Variants in PAK1 observed in about 807,000 individuals in gnomAD.
PAK1 encodes p21 (RAC1) activated kinase 1, also known as serine/threonine-protein kinase PAK 1.
In PAK1, 29 loss-of-function variants were observed where a neutral mutation model predicts 67.4. The ratio of observed to expected loss-of-function variants is 0.43; its 90% CI spans 0.32 to 0.59. The LOEUF (loss-of-function observed/expected upper bound fraction) is 0.59, where lower values mean the gene tolerates loss of function less well. Among genes scored for constraint, PAK1 ranks in the 20% least tolerant of loss-of-function variants. The probability of loss-of-function intolerance (pLI) is 0.07; values close to 1 mark genes in which losing one functional copy is unlikely to be tolerated. For missense variants in PAK1, 337 were observed against 670.7 expected (o/e 0.50, Z 5.50); for synonymous variants, 223 against 237.4 (o/e 0.94, Z 0.56).
chr11:77,478,693 T>C (rs923997058), upstream of PAK1, among the ~76,000 whole-genome samples: 1 of 151,168 alleles, frequency 6.6e-6, no homozygotes, highest in Non-Finnish European at 1.5e-5. Flanking sequence ...GGCAGGAGAA[T>C]TGCTTGAGCC....
In PAK1 at chr11:77,400,348, G is replaced by GA. The variant is rs568724619; in HGVS notation, c.-21-7808dup. Among the ~76,000 whole-genome samples, 93 of 152,274 alleles carry GA rather than the reference G, an allele frequency of 6.1e-4. No individual in the cohort carries two copies. In the East Asian group the frequency reaches 0.017, roughly 27 times the overall value. ...TCTGCACCACGTAGAGCACTAGACA[G>GA]AAAAATGGTCCATTCTAAGCAGCTC... On this transcript the variant is annotated intron_variant, in intron 1 of 14. Transcript: ENST00000356341.
At position 77,365,115 on chromosome 11, in the gene PAK1, G is replaced by A. The variant is rs566753068; in HGVS notation, c.478-6098C>T. Among the ~76,000 whole-genome samples, 152 of 151,842 alleles carry A rather than the reference G, an allele frequency of 1.0e-3. 1 individual carries two copies. The South Asian group carries it at 0.018, about 18-fold the overall frequency. ...TATAAAAATAAAATTAGCTGGGTGC[G>A]GTGGCACGTGCCTGTTGTCCCAGTT... On this transcript the variant is annotated intron_variant, in intron 5 of 14. Transcript: ENST00000356341.
intron 1 of PAK1, among the ~76,000 whole-genome samples, chr11:77,447,683 C>T (rs1046540046): frequency 3.3e-5 from 5 of 152,082 alleles, no homozygotes; most frequent in Non-Finnish European, 7.4e-5. Context: ...CACCACCACG[C>T]CCAGCTAATT....
upstream of PAK1, among the ~76,000 whole-genome samples, chr11:77,478,273 C>T (rs891995237): frequency 3.3e-5 from 5 of 151,992 alleles, no homozygotes; most frequent in African/African-American, 1.2e-4. Flanking sequence ...TTGTATTTCA[C>T]TTTATAAGAA....
Position 77,365,263 on chromosome 11 carries a change from A to AG in PAK1, c.478-6247_478-6246insC, listed in dbSNP as rs1555152737. ...CAAGACTCTGTCTCAAAAAAAAAAA[A>AG]AAAAAGAAAAAAGAAAAAAGAAAAT... On this transcript the variant is annotated intron_variant, in intron 5 of 14. Coordinates refer to ENST00000356341, the MANE Select transcript of PAK1 (RefSeq NM_002576.5). Among the ~76,000 whole-genome samples, 119 of 116,272 alleles carry AG rather than the reference A, an allele frequency of 1.0e-3. 2 individuals carry two copies. Among genetic ancestry groups the AG allele is most frequent in the Admixed American group, 2.4e-3 (29 of 11,936 alleles). 76.3% of individuals were successfully genotyped at this position (116,272 alleles called of 152,430 possible).
chr11:77,372,175 C>G (rs1948527045), intron 5 of PAK1, among the ~76,000 whole-genome samples: 2 of 152,178 alleles, frequency 1.3e-5, no homozygotes, highest in Admixed American at 1.3e-4. Flanking sequence ...CCTACAAAAG[C>G]ATAAAGACAT....
At chr11:77,380,614 C>T (rs1304251989) in intron 2 of PAK1, among the ~76,000 whole-genome samples, 1 of 152,084 alleles carries the variant, frequency 6.6e-6, no homozygotes, top group African/African-American at 2.4e-5. Flanking sequence ...TTTGTGAAGC[C>T]CTCCTTGATC....
chr11:77,475,313 T>C (rs1007167867), upstream of PAK1: 2 of 152,232 alleles, frequency 1.3e-5, no homozygotes, highest in African/African-American at 4.8e-5. Flanking sequence ...CGTCTTCTAC[T>C]ACCACCACCT....
chr11:77,419,399 C>A (rs1331381388), intron 1 of PAK1, among the ~76,000 whole-genome samples: 2 of 152,134 alleles, frequency 1.3e-5, no homozygotes, highest in Non-Finnish European at 2.9e-5. Flanking sequence ...AAGTCATGGA[C>A]CTTGGCCAGC....
chr11:77,462,170 C>CA (rs772738894), intron 1 of PAK1, among the ~76,000 whole-genome samples: 1,808 of 145,952 alleles, frequency 0.012, 20 homozygotes, highest in South Asian at 0.022. Context: ...ACTAAAAATA[C>CA]AAAAAAAAAA....
chr11:77,379,395 G>C lies in PAK1; in HGVS notation c.292-7C>G, dbSNP rs1949522961. On this transcript the variant is annotated splice_polypyrimidine_tract_variant and splice_region_variant and intron_variant, in intron 3 of 14. Transcript: ENST00000356341. The stretch of plus-strand genomic sequence containing the variant: ...CCCACTGCTCTGGCATTCCCTGTAA[G>C]AGAGACATGCAAGACTAACAGGAAG... 14 of 1,611,130 alleles carry C rather than the reference G, an allele frequency of 8.7e-6. No individual in the cohort carries two copies. The highest frequency in any genetic ancestry group is 1.3e-5 in the African/African-American group (1 of 74,940).
the PAK1 span, among the ~76,000 whole-genome samples, chr11:77,524,161 C>T: frequency 6.6e-6 from 1 of 152,178 alleles, no homozygotes; most frequent in Non-Finnish European, 1.5e-5. Flanking sequence ...AATAAAACAT[C>T]GTTGGATCAT....
At chr11:77,365,825 T>G (rs1591974476) in intron 5 of PAK1, among the ~76,000 whole-genome samples, 1 of 148,032 alleles carries the variant, frequency 6.8e-6, no homozygotes, top group South Asian at 2.1e-4. Context: ...AGAGCGAGAC[T>G]CCGTCTCAGA....
At chr11:77,335,015 A>T (rs111493472) in intron 13 of PAK1, among the ~76,000 whole-genome samples, 4,629 of 152,102 alleles carry the variant, frequency 0.03, 125 homozygotes, top group African/African-American at 0.074. Flanking sequence ...TTTGACACAT[A>T]ATCTACCCTC....
the PAK1 span, among the ~76,000 whole-genome samples, chr11:77,490,592 G>T: frequency 6.6e-6 from 1 of 151,978 alleles, no homozygotes; most frequent in East Asian, 1.9e-4. Flanking sequence ...GAAGTGAGGA[G>T]CCCCTCTGCC....
intron 1 of PAK1, among the ~76,000 whole-genome samples, chr11:77,421,150 C>A (rs1423384722): frequency 6.6e-6 from 1 of 152,162 alleles, no homozygotes; most frequent in African/African-American, 2.4e-5. Context: ...CTCCTCCCCT[C>A]ATCTCACCCT....
At chr11:77,384,285 C>T (rs1313531696) in intron 2 of PAK1, among the ~76,000 whole-genome samples, 1 of 152,136 alleles carries the variant, frequency 6.6e-6, no homozygotes, top group Non-Finnish European at 1.5e-5. Context: ...GAGCTTCGGA[C>T]TGAGGGAAGA....
chr11:77,489,909 T>C, the PAK1 span, among the ~76,000 whole-genome samples: 3 of 144,698 alleles, frequency 2.1e-5, no homozygotes, highest in African/African-American at 2.6e-5. Flanking sequence ...CCTGGCCGCC[T>C]ATCGTCTGGG....
At chr11:77,392,636 C>T in intron 1 of PAK1, 95 bp from the exon 2 acceptor site, 1 of 949,856 alleles carries the variant, frequency 1.1e-6, no homozygotes, top group Non-Finnish European at 1.5e-6. Flanking sequence ...AATTATACAG[C>T]CCTTCCTTCA....
Sources: allele counts gnomAD v4.1 joint callset (sites outside exome capture counted in the v4.1 genomes callset), GRCh38; gene constraint gnomAD v4.1.1; transcripts MANE v1.5; gene names NCBI Gene and HGNC (gene_info 2026-07-23, HGNC 2026-07-21).